Variants in DCLK1 observed in about 807,000 individuals in gnomAD.
DCLK1 encodes the protein doublecortin like kinase 1, also known as serine/threonine-protein kinase DCLK1.
Under a neutral mutation model 86.2 loss-of-function variants are expected in DCLK1, and 16 were observed. That is an observed-to-expected ratio of 0.19 (90% confidence interval 0.13 to 0.28). The LOEUF (loss-of-function observed/expected upper bound fraction) is 0.28. DCLK1 is among the 10% of genes least tolerant of loss of function. The pLI is 1.00. For missense variants in DCLK1, 590 were observed against 940.2 expected (o/e 0.63, Z 4.87); for synonymous variants, 369 against 370.5 (o/e 1.00, Z 0.05).
rs145381894 is a variant in DCLK1, at chr13:35,947,899, T to C, written c.724-442A>G. 4.7e-3 allele frequency among the ~76,000 whole-genome samples: 709 copies of C among 152,350 alleles called. 7 individuals carry two copies. Among genetic ancestry groups the C allele is most frequent in the Middle Eastern group, 0.027 (8 of 292 alleles). ...AAAGAAAAATACTTCTCTCATGATA[T>C]GAACATCACCTCCTTTAAACCCATT... On this transcript the variant is annotated intron_variant, in intron 3 of 16. Coordinates refer to ENST00000360631, the MANE Select transcript of DCLK1 (RefSeq NM_001330071.2).
At chr13:35,941,796 A>G (rs1169822873) in intron 4 of DCLK1, among the ~76,000 whole-genome samples, 2 of 152,190 alleles carry the variant, frequency 1.3e-5, no homozygotes, top group Non-Finnish European at 2.9e-5. Context: ...TTCAGTTCAT[A>G]TTTACCATCT....
intron 4 of DCLK1, among the ~76,000 whole-genome samples, chr13:35,891,706 T>C (rs1460438629): frequency 2.0e-5 from 3 of 152,230 alleles, no homozygotes; most frequent in African/African-American, 7.2e-5. Context: ...AGTGCTGTGC[T>C]TTGTCACCAC....
At chr13:35,985,598 A>G (rs1486245237) in intron 3 of DCLK1, among the ~76,000 whole-genome samples, 2 of 152,218 alleles carry the variant, frequency 1.3e-5, no homozygotes, top group African/African-American at 4.8e-5. Flanking sequence ...TCTAGGCACT[A>G]GTAAAGGGTA....
intron 4 of DCLK1, among the ~76,000 whole-genome samples, chr13:35,904,380 C>T (rs970856129): frequency 1.1e-4 from 16 of 152,088 alleles, no homozygotes; most frequent in African/African-American, 2.9e-4. Flanking sequence ...TTAGTAGAGA[C>T]GGGGTTTCAC....
intron 4 of DCLK1, among the ~76,000 whole-genome samples, chr13:35,903,403 T>C (rs894928739): frequency 2.0e-5 from 3 of 152,218 alleles, no homozygotes; most frequent in Non-Finnish European, 4.4e-5. Context: ...CTTTCTATTA[T>C]TTAGCATTTA....
intron 5 of DCLK1, among the ~76,000 whole-genome samples, chr13:35,868,403 G>A (rs766447348): frequency 2.6e-5 from 4 of 152,090 alleles, no homozygotes; most frequent in Non-Finnish European, 5.9e-5. Flanking sequence ...GATTTTCTTG[G>A]AATATCTGTA....
chr13:35,800,194 G>C (rs1566538905), intron 15 of DCLK1, among the ~76,000 whole-genome samples: 1 of 152,188 alleles, frequency 6.6e-6, no homozygotes, highest in Non-Finnish European at 1.5e-5. Flanking sequence ...TTGTCATCTG[G>C]CTCAGACTCA....
At chr13:36,059,863 A>T (rs1883474216) in intron 3 of DCLK1, among the ~76,000 whole-genome samples, 1 of 143,824 alleles carries the variant, frequency 7.0e-6, no homozygotes, top group Non-Finnish European at 1.5e-5. Flanking sequence ...ACTTCACTTA[A>T]ATCTCTTTTT....
intron 4 of DCLK1, among the ~76,000 whole-genome samples, chr13:35,911,782 C>T (rs937341288): frequency 6.6e-6 from 1 of 152,110 alleles, no homozygotes; most frequent in African/African-American, 2.4e-5. Flanking sequence ...GCAAAGAGGC[C>T]ATATACACCC....
intron 4 of DCLK1, among the ~76,000 whole-genome samples, chr13:35,882,182 C>CTTGGTG (rs1872955423): frequency 6.6e-6 from 1 of 152,170 alleles, no homozygotes; most frequent in African/African-American, 2.4e-5. Flanking sequence ...TGACTCCAGG[C>CTTGGTG]ATTCCTTAGC....
chr13:35,930,516 G>T (rs568269233), intron 4 of DCLK1, among the ~76,000 whole-genome samples: 1 of 152,118 alleles, frequency 6.6e-6, no homozygotes, highest in South Asian at 2.1e-4. Flanking sequence ...CAGAAGAATC[G>T]TTTGAACCCA....
chr13:36,054,577 A>G (rs1287887344), intron 3 of DCLK1, among the ~76,000 whole-genome samples: 2 of 152,204 alleles, frequency 1.3e-5, no homozygotes, highest in Non-Finnish European at 2.9e-5. Context: ...GACACTTGAT[A>G]GAATGTCAGG....
chr13:35,801,342 A>G (rs2086914638), intron 15 of DCLK1, among the ~76,000 whole-genome samples: 1 of 152,332 alleles, frequency 6.6e-6, no homozygotes, highest in African/African-American at 2.4e-5. Context: ...ACTTTTAACA[A>G]TTGATTATTT....
intron 3 of DCLK1, among the ~76,000 whole-genome samples, chr13:36,003,720 T>A (rs943540765): frequency 6.6e-6 from 1 of 152,192 alleles, no homozygotes; most frequent in Non-Finnish European, 1.5e-5. Context: ...TACAAAAGGC[T>A]ACAAAACAAC....
chr13:35,929,405 C>A (rs1876301971), intron 4 of DCLK1, among the ~76,000 whole-genome samples: 1 of 152,130 alleles, frequency 6.6e-6, no homozygotes, highest in South Asian at 2.1e-4. Context: ...AGCTTTATAA[C>A]CTCGGTTCTC....
chr13:35,854,409 A>G, intron 6 of DCLK1, 90 bp downstream of exon 6: 1 of 1,037,600 alleles, frequency 9.6e-7, no homozygotes, highest in Non-Finnish European at 1.3e-6. Flanking sequence ...GATATCGCCT[A>G]GAGACGAGCA....
At chr13:36,003,555 G>C (rs969140787) in intron 3 of DCLK1, among the ~76,000 whole-genome samples, 3 of 152,162 alleles carry the variant, frequency 2.0e-5, no homozygotes, top group African/African-American at 7.2e-5. Flanking sequence ...GGCAAGATTT[G>C]CTTATAAAGG....
intron 3 of DCLK1, among the ~76,000 whole-genome samples, chr13:36,091,262 C>T (rs1884817381): frequency 6.6e-6 from 1 of 152,058 alleles, no homozygotes; most frequent in African/African-American, 2.4e-5. Context: ...GGGCTTAAAA[C>T]CTAGATGACA....
chr13:36,060,095 T>C lies in DCLK1; in HGVS notation c.723+51774A>G, dbSNP rs371020052. On this transcript the variant is annotated intron_variant, in intron 3 of 16. Transcript: ENST00000360631. ...CATGTTGGCCAGGCTGGTCTTGAAC[T>C]CCTGACCTCAGGTGATCTGCCCACC... Among the ~76,000 whole-genome samples the C allele has an allele frequency of 1.1e-4, 16 of 152,104 alleles. No homozygotes were observed. The South Asian group carries it at 3.1e-3, about 30-fold the overall frequency.
Sources: gnomAD v4.1 joint callset for allele counts (sites outside exome capture counted in the v4.1 genomes callset) on GRCh38, gnomAD v4.1.1 for gene constraint, MANE v1.5 for transcripts, NCBI Gene and HGNC (gene_info 2026-07-23, HGNC 2026-07-21) for gene names.